Variants in NRXN1 observed in about 807,000 individuals in gnomAD.
NRXN1 encodes the protein neurexin-1.
In NRXN1, 39 loss-of-function variants were observed where a neutral mutation model predicts 150.9. The ratio of observed to expected loss-of-function variants is 0.26; its 90% confidence interval spans 0.20 to 0.34. NRXN1 has a LOEUF of 0.34. Ranked by LOEUF, NRXN1 falls within the 10% of genes least tolerant of loss-of-function variation. NRXN1 has a pLI of 1.00. For missense variants in NRXN1, 1,815 were observed against 1,949.9 expected (o/e 0.93, Z 1.30); for synonymous variants, 924 against 757.0 (o/e 1.22, Z -3.62).
chr2:50,211,957 G>C (rs984127226), intron 18 of NRXN1, among the ~76,000 whole-genome samples: 1 of 151,410 alleles, frequency 6.6e-6, no homozygotes, highest in Non-Finnish European at 1.5e-5. Flanking sequence ...ATTTCCTTTG[G>C]CTCATTCATG....
At chr2:50,367,549 TG>T (rs1051504794) in intron 17 of NRXN1, among the ~76,000 whole-genome samples, 1 of 151,916 alleles carries the variant, frequency 6.6e-6, no homozygotes, top group African/African-American at 2.4e-5. Context: ...AATAAATGAT[TG>T]GGGGGTTTGG....
chr2:50,810,248 G>A (rs1414624526), intron 5 of NRXN1, among the ~76,000 whole-genome samples: 1 of 152,064 alleles, frequency 6.6e-6, no homozygotes, highest in East Asian at 1.9e-4. Context: ...TCTCAGCCAC[G>A]AACTACCATT....
chr2:50,663,222 C>T (rs1177979023), intron 5 of NRXN1, among the ~76,000 whole-genome samples: 1 of 151,986 alleles, frequency 6.6e-6, no homozygotes, highest in Non-Finnish European at 1.5e-5. Context: ...TTTTTTCTGC[C>T]TCCAAAGAAA....
At chr2:50,285,559 CA>C (rs1353570752) in intron 17 of NRXN1, among the ~76,000 whole-genome samples, 2 of 152,180 alleles carry the variant, frequency 1.3e-5, no homozygotes, top group African/African-American at 4.8e-5. Flanking sequence ...AAGCTCCACA[CA>C]GTGGTCCTGA....
intron 5 of NRXN1, among the ~76,000 whole-genome samples, chr2:50,644,478 G>A (rs1684512597): frequency 1.3e-5 from 2 of 150,212 alleles, no homozygotes; most frequent in South Asian, 4.2e-4. Flanking sequence ...AAATTAACTG[G>A]GAACAAATAA....
At chr2:50,873,465 A>G (rs1391619728) in intron 5 of NRXN1, among the ~76,000 whole-genome samples, 1 of 151,818 alleles carries the variant, frequency 6.6e-6, no homozygotes, top group Non-Finnish European at 1.5e-5. Flanking sequence ...AATTTAAAAG[A>G]TTAAGCATCC....
intron 5 of NRXN1, among the ~76,000 whole-genome samples, chr2:50,742,147 T>G (rs1699502881): frequency 6.6e-6 from 1 of 152,160 alleles, no homozygotes. Context: ...TAACAATTTA[T>G]GCTCAAGATA....
intron 17 of NRXN1, among the ~76,000 whole-genome samples, chr2:50,307,369 C>T (rs991091255): frequency 1.3e-5 from 2 of 152,046 alleles, no homozygotes; most frequent in African/African-American, 2.4e-5. Flanking sequence ...CAAGAAGGAG[C>T]TTAACTTTTT....
At chr2:50,131,493 C>A (rs1327438885) in intron 18 of NRXN1, among the ~76,000 whole-genome samples, 1 of 152,164 alleles carries the variant, frequency 6.6e-6, no homozygotes, top group Non-Finnish European at 1.5e-5. Flanking sequence ...ATGCGAATGA[C>A]TCTTCCAGAG....
intron 18 of NRXN1, among the ~76,000 whole-genome samples, chr2:50,128,491 A>C (rs1425475248): frequency 6.6e-6 from 1 of 152,154 alleles, no homozygotes; most frequent in Non-Finnish European, 1.5e-5. Flanking sequence ...TTAAATTATA[A>C]ATATTTACAG....
At chr2:50,456,677 C>T (rs1041800001) in intron 17 of NRXN1, among the ~76,000 whole-genome samples, 1 of 152,006 alleles carries the variant, frequency 6.6e-6, no homozygotes, top group Non-Finnish European at 1.5e-5. Context: ...TTTCTGGACT[C>T]TACATGTTTC....
intron 2 of NRXN1, among the ~76,000 whole-genome samples, chr2:50,965,981 GA>G (rs1558503581): frequency 6.6e-6 from 1 of 151,368 alleles, no homozygotes; most frequent in Non-Finnish European, 1.5e-5. Flanking sequence ...TCTCACCATA[GA>G]TTTTTGTCTT....
At chr2:49,965,595 G>C (rs1676832255) in intron 21 of NRXN1, among the ~76,000 whole-genome samples, 1 of 152,076 alleles carries the variant, frequency 6.6e-6, no homozygotes, top group African/African-American at 2.4e-5. Context: ...ATTGTGAACA[G>C]TCATAAAAAT....
At chr2:50,019,044 G>A (rs544711052) in intron 21 of NRXN1, among the ~76,000 whole-genome samples, 8 of 152,166 alleles carry the variant, frequency 5.3e-5, no homozygotes, top group Non-Finnish European at 8.8e-5. Context: ...TAGGTAACAA[G>A]CAGATTGAAT....
chr2:50,614,989 T>A (rs993337447), intron 8 of NRXN1, among the ~76,000 whole-genome samples: 3 of 152,112 alleles, frequency 2.0e-5, no homozygotes, highest in Non-Finnish European at 4.4e-5. Flanking sequence ...AATCAATCAT[T>A]TTTTCCTCAA....
chr2:50,257,097 G>A (rs957457998), intron 17 of NRXN1, among the ~76,000 whole-genome samples: 2 of 151,998 alleles, frequency 1.3e-5, no homozygotes, highest in African/African-American at 4.8e-5. Flanking sequence ...ATTTGATAGA[G>A]AAGCTATTAT....
intron 17 of NRXN1, among the ~76,000 whole-genome samples, chr2:50,325,777 G>T (rs1298603592): frequency 1.3e-5 from 2 of 152,156 alleles, no homozygotes; most frequent in East Asian, 3.8e-4. Context: ...ATTAGAAAAT[G>T]CACGCTATTG....
intron 18 of NRXN1, among the ~76,000 whole-genome samples, chr2:50,104,158 A>G (rs1168092710): frequency 6.6e-6 from 1 of 152,092 alleles, no homozygotes; most frequent in Admixed American, 6.6e-5. Context: ...CTACTGGAGT[A>G]CAAAAGACAT....
chr2:50,933,841 C>T (rs1287313693), intron 2 of NRXN1, among the ~76,000 whole-genome samples: 1 of 152,016 alleles, frequency 6.6e-6, no homozygotes, highest in Non-Finnish European at 1.5e-5. Flanking sequence ...TTTTGTAACC[C>T]TAATATAGCT....
Sources: gnomAD v4.1 joint callset for allele counts (sites outside exome capture counted in the v4.1 genomes callset) on GRCh38, gnomAD v4.1.1 for gene constraint, MANE v1.5 for transcripts, NCBI Gene and HGNC (gene_info 2026-07-23, HGNC 2026-07-21) for gene names.